Variants in RUFY3 observed in about 807,000 individuals in gnomAD.
RUFY3 encodes the protein RUN and FYVE domain containing 3.
Under a neutral mutation model 84.0 loss-of-function variants are expected in RUFY3, and 34 were observed. The ratio of observed to expected loss-of-function variants is 0.40; its 90% CI spans 0.31 to 0.54. RUFY3 has a LOEUF of 0.54. Ranked by LOEUF, RUFY3 falls within the 20% of genes least tolerant of loss-of-function variation. The pLI is 0.39. For synonymous variants in RUFY3, 242 were observed against 252.9 expected, an observed-to-expected ratio of 0.96 and a Z score of 0.41; for missense variants, 507 against 736.8, an observed-to-expected ratio of 0.69 and a Z score of 3.61.
intron 15 of RUFY3, 72 bp downstream of exon 15, chr4:70,800,277 A>G: frequency 2.7e-6 from 3 of 1,118,872 alleles, no homozygotes; most frequent in South Asian, 3.0e-5. Flanking sequence ...AGTTCTTTAT[A>G]TACATTGGCA....
At position 70,715,505 on chromosome 4, in the gene RUFY3, T is replaced by A. The variant is rs187491732; in HGVS notation, c.358+10211T>A. Among the ~76,000 whole-genome samples the A allele has an allele frequency of 2.0e-3, 285 of 144,540 alleles. 5 individuals are homozygous for A. Among genetic ancestry groups the A allele is most frequent in the Admixed American group, 0.019 (264 of 13,686 alleles). The allele number at this position is 144,540 out of a possible 152,430, so 94.8% of individuals were successfully genotyped here. On this transcript the variant is annotated intron_variant, in intron 1 of 11. Coordinates refer to the RUFY3 transcript ENST00000417478. ...AGTCTGAGGCAGTGAGGCAGAAGAA[T>A]CGCTTGAACCCGGGAGGCAGAGGTT...
At chr4:70,728,061 A>G (rs1718593307) in intron 1 of RUFY3, among the ~76,000 whole-genome samples, 1 of 152,206 alleles carries the variant, frequency 6.6e-6, no homozygotes, top group Admixed American at 6.5e-5. Flanking sequence ...GTGACTACAG[A>G]TACCCCTTGA....
At chr4:70,739,694 T>G (rs1344622631) in intron 1 of RUFY3, among the ~76,000 whole-genome samples, 1 of 152,010 alleles carries the variant, frequency 6.6e-6, no homozygotes, top group Non-Finnish European at 1.5e-5. Context: ...AGGCGAAGCA[T>G]TTTTTAGCCC....
In RUFY3 at chr4:70,722,439, C is replaced by A. The variant is rs1742425934; in HGVS notation, c.-135C>A. 2.6e-5 allele frequency: 35 copies of A among 1,372,458 alleles called. No homozygotes were observed. In the South Asian group the frequency reaches 7.3e-4, roughly 28 times the overall value. The allele number at this position is 1,372,458 out of a possible 1,614,324, so 85.0% of individuals were successfully genotyped here. A position where few individuals can be genotyped will look rare whatever the true frequency, so the allele number is the denominator to read the frequency against. Reference sequence around the variant, plus strand: ...CTTTTTTTTTTTTTTAAACCTCCCCCACCCTTTTCCTGAAAGCTTTGTTTC... The same window carrying A: ...CTTTTTTTTTTTTTTAAACCTCCCCAACCCTTTTCCTGAAAGCTTTGTTTC... On this transcript the variant is annotated 5_prime_UTR_variant, in exon 1 of 18. Transcript: ENST00000381006.
rs1227310064 is a variant in RUFY3, at chr4:70,808,138, A to G, written c.*1479A>G. 6.6e-6 allele frequency among the ~76,000 whole-genome samples: 1 copy of G among 152,214 alleles called. No individual in the cohort carries two copies. Among genetic ancestry groups the G allele is most frequent in the Non-Finnish European group, 1.5e-5 (1 of 68,038 alleles). On this transcript the variant is annotated 3_prime_UTR_variant, in exon 18 of 18. Coordinates refer to ENST00000381006, the MANE Select transcript of RUFY3 (RefSeq NM_001037442.4). The stretch of plus-strand genomic sequence containing the variant: ...ATCACTTCATTTGCATGGATTCAAC[A>G]TAGTGCTTGGTGTTCAGTAAATTCA...
rs1224692929 is a variant in RUFY3, at chr4:70,728,066, C to A, written c.178+5315C>A. Among the ~76,000 whole-genome samples the A allele has an allele frequency of 3.3e-5, 5 of 152,068 alleles. No individual in the cohort carries two copies. In the South Asian group the frequency reaches 6.2e-4, roughly 19 times the overall value. Reference sequence around the variant, plus strand: ...GTTGTCTCAAGTGACTACAGATACCCCTTGAATTAAGATGGGGTTATGTCC... The same window carrying A: ...GTTGTCTCAAGTGACTACAGATACCACTTGAATTAAGATGGGGTTATGTCC... On this transcript the variant is annotated intron_variant, in intron 1 of 17. Transcript: ENST00000381006.
In RUFY3 at chr4:70,704,848, G is replaced by C. The variant is rs932924535; in HGVS notation, c.-89G>C. 3 of 849,326 alleles carry C rather than the reference G, an allele frequency of 3.5e-6. No homozygotes were observed. In the East Asian group the frequency reaches 1.1e-4, roughly 32 times the overall value. 52.6% of individuals were successfully genotyped at this position (849,326 alleles called of 1,614,324 possible). The stretch of plus-strand genomic sequence containing the variant: ...GTGGCGGCGGCGGCGCAGCGGACGG[G>C]ACGGGGCGGCGGCTCCTCGCCCTGA... On this transcript the variant is annotated 5_prime_UTR_variant, in exon 1 of 12. Coordinates refer to the RUFY3 transcript ENST00000417478.
At chr4:70,763,455 G>A in intron 2 of RUFY3, 97 bp from the exon 3 acceptor site, 1 of 808,640 alleles carries the variant, frequency 1.2e-6, no homozygotes, top group South Asian at 2.0e-5. Context: ...ACCTAGGATT[G>A]GTTTCCTGAA....
chr4:70,737,045 A>C (rs1386060200), intron 1 of RUFY3, among the ~76,000 whole-genome samples: 1 of 152,236 alleles, frequency 6.6e-6, no homozygotes, highest in Non-Finnish European at 1.5e-5. Flanking sequence ...AACAATTAAA[A>C]CAAATTTTGA....
chr4:70,794,095 A>G (rs59774881), intron 13 of RUFY3, among the ~76,000 whole-genome samples, 191 bp downstream of exon 13: 3,155 of 152,310 alleles, frequency 0.021, 119 homozygotes, highest in East Asian at 0.16. Context: ...TTTGTGATCA[A>G]AGAATTAGGA....
At chr4:70,765,165 G>A (rs1204551855) in intron 4 of RUFY3, among the ~76,000 whole-genome samples, 2 of 141,908 alleles carry the variant, frequency 1.4e-5, no homozygotes, top group East Asian at 2.5e-4. Flanking sequence ...TTCAGCCCGG[G>A]CGACAGAGTG....
intron 1 of RUFY3, among the ~76,000 whole-genome samples, chr4:70,756,142 T>A (rs1261139813): frequency 6.6e-6 from 1 of 152,162 alleles, no homozygotes; most frequent in Admixed American, 6.6e-5. Flanking sequence ...CCATTCTCCT[T>A]GACTATGTCC....
intron 10 of RUFY3, among the ~76,000 whole-genome samples, chr4:70,788,173 T>C (rs1730219400): frequency 6.6e-6 from 1 of 151,706 alleles, no homozygotes; most frequent in Admixed American, 6.6e-5. Flanking sequence ...TAGTCCCAGC[T>C]ACTCAGGAGG....
At chr4:70,724,171 T>C (rs1204189234) in intron 1 of RUFY3, among the ~76,000 whole-genome samples, 1 of 152,200 alleles carries the variant, frequency 6.6e-6, no homozygotes, top group East Asian at 1.9e-4. Flanking sequence ...AAAACATCGT[T>C]ACATCCAACA....
rs149197221 is a variant in RUFY3, at chr4:70,778,525, G to A, written c.894+87G>A. 1,325 of 566,316 alleles carry A rather than the reference G, an allele frequency of 2.3e-3. 11 individuals are homozygous for A. The highest frequency in any genetic ancestry group is 0.018 in the African/African-American group (887 of 49,714). The allele number at this position is 566,316 out of a possible 1,614,324, so 35.1% of individuals were successfully genotyped here. On this transcript the variant is annotated intron_variant, in intron 8 of 17. Transcript: ENST00000381006. ...ATTTTAATGTAACCTTGGAAAGAAA[G>A]AACTTGACTTTTCAAATAATATTGA...
At chr4:70,787,771 G>A (rs781322962) in intron 10 of RUFY3, among the ~76,000 whole-genome samples, 4 of 151,942 alleles carry the variant, frequency 2.6e-5, no homozygotes, top group Non-Finnish European at 2.9e-5. Flanking sequence ...TCAGTGAAGT[G>A]GCACATAATA....
chr4:70,790,370 C>A (rs16845447), intron 12 of RUFY3, among the ~76,000 whole-genome samples: 24 of 152,212 alleles, frequency 1.6e-4, no homozygotes, highest in Non-Finnish European at 2.9e-4. Flanking sequence ...CCCTTAACAC[C>A]TGTTTGTCAC....
At chr4:70,794,758 C>A in intron 13 of RUFY3, 37 bp from the exon 14 acceptor site, 1 of 1,386,002 alleles carries the variant, frequency 7.2e-7, no homozygotes. Context: ...GTATAGAATT[C>A]CAATTTTTCA....
chr4:70,770,405 A>T (rs61513603), intron 5 of RUFY3, among the ~76,000 whole-genome samples: 3,159 of 152,296 alleles, frequency 0.021, 120 homozygotes, highest in East Asian at 0.16. Flanking sequence ...TCTTAATTAG[A>T]TCTTCTGGAT....
Sources: allele counts gnomAD v4.1 joint callset (sites outside exome capture counted in the v4.1 genomes callset), GRCh38; gene constraint gnomAD v4.1.1; transcripts MANE v1.5; gene names NCBI Gene and HGNC (gene_info 2026-07-23, HGNC 2026-07-21).